RTEL1: variants seen among roughly 807,000 people sequenced by gnomAD.
RTEL1 encodes regulator of telomere elongation helicase 1.
Under a neutral mutation model 162.2 loss-of-function variants are expected in RTEL1, and 86 were observed. The ratio of observed to expected loss-of-function variants is 0.53; its 90% CI spans 0.45 to 0.63. The LOEUF (loss-of-function observed/expected upper bound fraction) is 0.63. Among genes scored for constraint, RTEL1 ranks in the 30% least tolerant of loss-of-function variants. The pLI, the probability that RTEL1 is intolerant of heterozygous loss-of-function variation, is 0.00. For synonymous variants in RTEL1, 958 were observed against 717.9 expected (o/e 1.33, Z -5.35); for missense variants, 1,941 against 1,750.2 (o/e 1.11, Z -1.95).
chr20:63,694,906 T>C lies in RTEL1; in HGVS notation c.3275T>C (p.Leu1092Pro), dbSNP rs1366738999. Residue 1092 changes from leucine to proline, a missense_variant, in exon 32 of 35, where the codon CTC becomes CCC. Leu to Pro is a moderately conservative substitution (Grantham distance 98). Coordinates refer to ENST00000360203, the MANE Select transcript of RTEL1 (RefSeq NM_001283009.2). ...ALTAYKQDDD[L>P]DKVLAVLAAL... ...ACAGCCTATAAGCAAGACGACGACC[T>C]CGACAAGGTGCTGGCTGTGTTGGCC... 5.6e-6 allele frequency: 9 copies of C among 1,612,428 alleles called. No individual in the cohort carries two copies. Among genetic ancestry groups the C allele is most frequent in the Non-Finnish European group, 7.6e-6 (9 of 1,179,866 alleles).
intron 14 of RTEL1, chr20:63,682,786 C>T (rs541251394): frequency 2.4e-5 from 18 of 753,116 alleles, no homozygotes; most frequent in African/African-American, 7.6e-5. Flanking sequence ...CAGCTGGAGG[C>T]GAACTCCAGG....
At chr20:63,691,719 G>C in intron 27 of RTEL1, 23 bp from the exon 28 acceptor site, 3 of 1,603,640 alleles carry the variant, frequency 1.9e-6, no homozygotes, top group Non-Finnish European at 2.6e-6. Context: ...TCTGTGTGTG[G>C]TTGTGAGCTG....
In RTEL1 at chr20:63,693,222, C is replaced by A. The variant is rs2090805930; in HGVS notation, c.2931C>A (p.Gly977=). 1.9e-6 allele frequency: 3 copies of A among 1,612,146 alleles called. No homozygotes were observed. The highest frequency in any genetic ancestry group is 2.5e-6 in the Non-Finnish European group (3 of 1,179,526). The change falls in exon 30 of 35, where the codon GGC becomes GGA. Residue 977 remains glycine, a synonymous_variant. Transcript: ENST00000360203. ...VCIQLTGRGC[G]YRPEHSIPRR... ...TCCAGCTGACAGGACGAGGCTGTGG[C>A]TATCGGCCTGAGCACAGCATTCCCC...
At chr20:63,666,879 G>T (rs887217744) in intron 7 of RTEL1, among the ~76,000 whole-genome samples, 54 of 130,276 alleles carry the variant, frequency 4.1e-4, no homozygotes, top group African/African-American at 1.5e-3. Context: ...TCGCTCTGTC[G>T]CCCAGGCTGG....
chr20:63,671,346 A>AC (rs2090237201), intron 8 of RTEL1, among the ~76,000 whole-genome samples: 1 of 152,016 alleles, frequency 6.6e-6, no homozygotes, highest in East Asian at 1.9e-4. Flanking sequence ...GGCATGAACC[A>AC]CCGCACCCGG....
At position 63,661,423 on chromosome 20, in the gene RTEL1, G is replaced by T. The variant is rs116624637; in HGVS notation, c.228G>T (p.Ala76=). Residue 76 remains alanine, a synonymous_variant, in exon 3 of 35, where the codon GCG becomes GCT. Coordinates refer to ENST00000360203, the MANE Select transcript of RTEL1 (RefSeq NM_001283009.2). This position sits in a 1 kb window ranked among gnomAD's most constrained non-coding sequence, Gnocchi z 5.1. ...GISARKIAER[A]QGELFPDRAL... ...CTGCCCGCAAGATTGCCGAGAGGGC[G>T]CAAGGAGAGCTTTTCCCGGATCGGG... is the stretch of plus-strand genomic sequence containing the variant. 3 of 1,613,852 alleles carry T rather than the reference G, an allele frequency of 1.9e-6. No individual in the cohort carries two copies. The highest frequency in any genetic ancestry group is 2.2e-5 in the South Asian group (2 of 91,074).
In RTEL1 at chr20:63,679,610, C is replaced by T. The variant is rs62207047; in HGVS notation, c.1038-239C>T. Among the ~76,000 whole-genome samples, 13,588 of 152,218 alleles carry T rather than the reference C, an allele frequency of 0.089. 887 individuals are homozygous for T. The highest frequency in any genetic ancestry group is 0.2 in the Admixed American group (3,094 of 15,294). On this transcript the variant is annotated intron_variant, in intron 12 of 34. Transcript: ENST00000360203. ...GGAGGCCTCTCACCTCCAATGCTGG[C>T]GTCCCCTGGAGGGCTGAATTTGTTT...
Position 63,674,006 on chromosome 20 carries a change from G to A in RTEL1, c.832G>A (p.Val278Ile), listed in dbSNP as rs200429535. The A allele has an allele frequency of 2.5e-5, 41 of 1,614,148 alleles. No individual in the cohort carries two copies. The highest frequency in any genetic ancestry group is 1.9e-4 in the African/African-American group (14 of 75,060). Residue 278 changes from valine to isoleucine, a missense_variant, in exon 10 of 35, where the codon GTC becomes ATC. Physicochemically the swap from Val to Ile is conservative, Grantham distance 29 (BLOSUM62 3). Coordinates refer to ENST00000360203, the MANE Select transcript of RTEL1 (RefSeq NM_001283009.2). ...TPHDLASGLD[V>I]IDQVLEEQTK... ...CCATGACCTGGCTTCAGGACTGGACGTCATAGACCAGGTGCTGGAGGAGCA... is the reference window on the plus strand; with the variant it reads ...CCATGACCTGGCTTCAGGACTGGACATCATAGACCAGGTGCTGGAGGAGCA...
intron 27 of RTEL1, 136 bp from the exon 28 acceptor site, chr20:63,691,606 T>G: frequency 1.4e-6 from 1 of 698,178 alleles, no homozygotes; most frequent in Non-Finnish European, 2.5e-6. Flanking sequence ...CACCGGGGTG[T>G]GCTGTGCCCC....
rs539765986 is a variant in RTEL1, at chr20:63,694,974, A to G, written c.3343A>G (p.Arg1115Gly). 2.4e-5 allele frequency: 39 copies of G among 1,612,148 alleles called. No homozygotes were observed. The South Asian group carries it at 4.3e-4, about 18-fold the overall frequency. Residue 1115 changes from arginine (R) to glycine (G), a missense_variant and splice_region_variant, in exon 32 of 35, where the codon AGG (arginine) becomes GGG (glycine). Physicochemically the swap from Arg to Gly is moderately radical, Grantham distance 125. Coordinates refer to ENST00000360203, the MANE Select transcript of RTEL1 (RefSeq NM_001283009.2). ...AKPEDFPLLHRFSMFVRPHHK... is the reference protein window; with the variant it reads ...AKPEDFPLLHGFSMFVRPHHK... ...GCCAGAGGACTTCCCCCTGCTGCACAGCAAGTGGCCCTGGCGTGGGGAACA... is the reference window on the plus strand; with the variant it reads ...GCCAGAGGACTTCCCCCTGCTGCACGGCAAGTGGCCCTGGCGTGGGGAACA...
intron 12 of RTEL1, among the ~76,000 whole-genome samples, chr20:63,678,732 G>T (rs1444717668): frequency 1.6e-5 from 2 of 124,978 alleles, no homozygotes; most frequent in African/African-American, 3.1e-5. Context: ...CACACCCACG[G>T]AACGGCACAC....
Position 63,679,831 on chromosome 20 carries a change from CCTT to C in RTEL1, c.1038-12_1038-10del, listed in dbSNP as rs779049367. 2.7e-5 allele frequency: 43 copies of C among 1,603,114 alleles called. No individual in the cohort carries two copies. The highest frequency in any genetic ancestry group is 4.0e-5 in the African/African-American group (3 of 74,746). On this transcript the variant is annotated splice_polypyrimidine_tract_variant and intron_variant, in intron 12 of 34. Coordinates refer to ENST00000360203, the MANE Select transcript of RTEL1 (RefSeq NM_001283009.2). Reference sequence around the variant, plus strand: ...GGTCCCCCCGCCAGGCTCGAGCCTGCCTTCTTCTCCTCGGCAGCTACATCTTTG... The same window carrying C: ...GGTCCCCCCGCCAGGCTCGAGCCTGCCTTCTCCTCGGCAGCTACATCTTTG...
chr20:63,681,601 G>A, intron 14 of RTEL1: 2 of 985,390 alleles, frequency 2.0e-6, no homozygotes, highest in Non-Finnish European at 2.4e-6. Context: ...TGGCTGGCCT[G>A]TGCATGCTGC....
chr20:63,691,647 T>C, intron 27 of RTEL1, 95 bp from the exon 28 acceptor site: 1 of 1,092,494 alleles, frequency 9.2e-7, no homozygotes, highest in South Asian at 1.4e-5. Flanking sequence ...GGCTCAGGGC[T>C]CCTTGGGACC....
At chr20:63,693,416 G>C (rs879011935) in intron 30 of RTEL1, 133 bp downstream of exon 30, 13 of 1,043,798 alleles carry the variant, frequency 1.2e-5, no homozygotes, top group Middle Eastern at 3.2e-4. Flanking sequence ...TGGGAGTGAT[G>C]GGGGCCTCCA....
At position 63,679,958 on chromosome 20, in the gene RTEL1, C is replaced by T. The variant is rs1207021126; in HGVS notation, c.1135+12C>T. Reference sequence around the variant, plus strand: ...GCACCTGGCAGGACGTGAGTGCTGGCACGGGGTCTTTGGTGCGGGCAAATG... The same window carrying T: ...GCACCTGGCAGGACGTGAGTGCTGGTACGGGGTCTTTGGTGCGGGCAAATG... On this transcript the variant is annotated intron_variant, in intron 13 of 34. Transcript: ENST00000360203. 17 of 1,598,844 alleles carry T rather than the reference C, an allele frequency of 1.1e-5. No individual in the cohort carries two copies. In the African/African-American group the frequency reaches 1.2e-4, roughly 11 times the overall value.
intron 13 of RTEL1, among the ~76,000 whole-genome samples, 157 bp from the exon 14 acceptor site, chr20:63,680,507 C>T (rs897570894): frequency 2.0e-5 from 3 of 152,242 alleles, no homozygotes; most frequent in Non-Finnish European, 4.4e-5. Context: ...GCGAACTGCC[C>T]GCCCTGAATG....
chr20:63,662,395 G>C lies in RTEL1; in HGVS notation c.396-151G>C, dbSNP rs774234920. ...GTCCAGTACCCCCGCTCGTCTTCTA[G>C]CTCCCTCCTACGCCCGGGCCACGTT... On this transcript the variant is annotated intron_variant, in intron 4 of 34. Transcript: ENST00000360203. 2.7e-6 allele frequency: 4 copies of C among 1,506,894 alleles called. No individual in the cohort carries two copies. In the East Asian group the frequency reaches 7.4e-5, roughly 28 times the overall value. 93.3% of individuals were successfully genotyped at this position (1,506,894 alleles called of 1,614,324 possible).
At chr20:63,690,768 C>T (rs755353569) in intron 26 of RTEL1, 37 bp from the exon 27 acceptor site, 2 of 1,568,782 alleles carry the variant, frequency 1.3e-6, no homozygotes, top group East Asian at 2.3e-5. Flanking sequence ...GCTGGGGCCC[C>T]CCGTGGGCTT....
Sources: gnomAD v4.1 joint callset for allele counts (sites outside exome capture counted in the v4.1 genomes callset) on GRCh38, gnomAD v4.1.1 for gene constraint, Gnocchi (gnomAD v3.1) non-coding constraint, MANE v1.5 for transcripts, NCBI Gene and HGNC (gene_info 2026-07-23, HGNC 2026-07-21) for gene names.